The following KHDRBS3 variants were observed in gnomAD, a reference collection of about 807,000 sequenced individuals.
KHDRBS3 encodes KH domain-containing, RNA-binding, signal transduction-associated protein 3.
A neutral mutation model predicts 45.6 loss-of-function variants in KHDRBS3; 23 were observed. The ratio of observed to expected loss-of-function variants is 0.50; its 90% CI spans 0.36 to 0.72. The LOEUF is 0.72. Ranked by LOEUF, KHDRBS3 falls within the 30% of genes least tolerant of loss-of-function variation. The pLI is 0.00. For synonymous variants in KHDRBS3, 162 were observed against 156.5 expected, an observed-to-expected ratio of 1.04 and a Z score of -0.26; for missense variants, 352 against 424.8, an observed-to-expected ratio of 0.83 and a Z score of 1.51.
intron 7 of KHDRBS3, among the ~76,000 whole-genome samples, chr8:135,617,110 C>T (rs1209777533): frequency 6.6e-6 from 1 of 151,972 alleles, no homozygotes; most frequent in Non-Finnish European, 1.5e-5. Flanking sequence ...GACTGTTTGA[C>T]TTACAACATT....
intron 1 of KHDRBS3, among the ~76,000 whole-genome samples, chr8:135,479,394 A>T (rs1055124600): frequency 1.3e-5 from 2 of 152,226 alleles, no homozygotes; most frequent in African/African-American, 4.8e-5. Context: ...TTAATTCTTC[A>T]CAAACTCTTT....
At position 135,511,522 on chromosome 8, in the gene KHDRBS3, A is replaced by G. The variant is rs571858000; in HGVS notation, c.89-9715A>G. ...ATATTTAAGGACATTTTACGTACAA[A>G]TATTTGCTCTGTTTTTTTGTTTGTT... On this transcript the variant is annotated intron_variant, in intron 1 of 8. Coordinates refer to ENST00000355849, the MANE Select transcript of KHDRBS3 (RefSeq NM_006558.3). Among the ~76,000 whole-genome samples, 6 of 151,790 alleles carry G rather than the reference A, an allele frequency of 4.0e-5. No individual in the cohort carries two copies. In the South Asian group the frequency reaches 1.3e-3, roughly 32 times the overall value.
intron 1 of KHDRBS3, among the ~76,000 whole-genome samples, chr8:135,476,953 T>G (rs1415373306): frequency 6.6e-6 from 1 of 152,232 alleles, no homozygotes. Flanking sequence ...TAGGCTGTGG[T>G]CATTGTTGAT....
chr8:135,642,922 AG>A (rs1468364956), intron 7 of KHDRBS3, among the ~76,000 whole-genome samples: 1 of 151,840 alleles, frequency 6.6e-6, no homozygotes, highest in African/African-American at 2.4e-5. Flanking sequence ...CATCCCAAGT[AG>A]CTGGGACTAC....
rs548712506 is a variant in KHDRBS3, at chr8:135,507,687, G to A, written c.89-13550G>A. Reference sequence around the variant, plus strand: ...GAGATAGCATCTGACTCTAGGCGGAGCAATATGTAAAATGTGACTGGAGAG... The same window carrying A: ...GAGATAGCATCTGACTCTAGGCGGAACAATATGTAAAATGTGACTGGAGAG... On this transcript the variant is annotated intron_variant, in intron 1 of 8. Coordinates refer to ENST00000355849, the MANE Select transcript of KHDRBS3 (RefSeq NM_006558.3). Among the ~76,000 whole-genome samples the A allele has an allele frequency of 4.6e-5, 7 of 152,268 alleles. No individual in the cohort carries two copies. The East Asian group carries it at 9.6e-4, about 21-fold the overall frequency.
intron 1 of KHDRBS3, chr8:135,458,291 T>A: frequency 2.7e-6 from 2 of 744,502 alleles, no homozygotes; most frequent in Non-Finnish European, 3.5e-6. Context: ...TTGAATTATG[T>A]CATGGAAGGG....
At chr8:135,645,163 C>A (rs952451472) in intron 8 of KHDRBS3, 46 bp downstream of exon 8, 28 of 1,581,342 alleles carry the variant, frequency 1.8e-5, no homozygotes, top group Non-Finnish European at 2.2e-5. Context: ...GAGAGATGGC[C>A]GTAGAAAGAC....
At chr8:135,496,814 C>T (rs1385298786) in intron 1 of KHDRBS3, among the ~76,000 whole-genome samples, 1 of 152,224 alleles carries the variant, frequency 6.6e-6, no homozygotes, top group Non-Finnish European at 1.5e-5. Context: ...TGGCTGGGAA[C>T]TCAGCTGGGA....
At chr8:135,522,068 A>G (rs1563740724) in intron 2 of KHDRBS3, among the ~76,000 whole-genome samples, 2 of 152,126 alleles carry the variant, frequency 1.3e-5, no homozygotes. Flanking sequence ...TAAGCCCCAC[A>G]TGCATTAGCT....
chr8:135,521,429 G>C, intron 2 of KHDRBS3, 74 bp downstream of exon 2: 1 of 825,642 alleles, frequency 1.2e-6, no homozygotes. Context: ...TTTATATTCT[G>C]TTTGGTGTTT....
chr8:135,515,306 C>CA (rs1437177436), intron 1 of KHDRBS3, among the ~76,000 whole-genome samples: 1 of 130,786 alleles, frequency 7.6e-6, no homozygotes, highest in Non-Finnish European at 1.5e-5. Flanking sequence ...GCGGAGCTTG[C>CA]AGTGAGCCAA....
chr8:135,533,038 A>G (rs1160646015), intron 2 of KHDRBS3, among the ~76,000 whole-genome samples: 1 of 152,194 alleles, frequency 6.6e-6, no homozygotes, highest in African/African-American at 2.4e-5. Flanking sequence ...CTCGATTTAC[A>G]TTGGTTGAAC....
chr8:135,565,351 C>T (rs1253218918), intron 5 of KHDRBS3, among the ~76,000 whole-genome samples: 1 of 152,168 alleles, frequency 6.6e-6, no homozygotes, highest in Admixed American at 6.5e-5. Context: ...TATACTTTTA[C>T]ACATTATAAA....
chr8:135,510,315 G>A (rs11779943), intron 1 of KHDRBS3, among the ~76,000 whole-genome samples: 55,485 of 152,090 alleles, frequency 0.36, 11,430 homozygotes, highest in South Asian at 0.53. Flanking sequence ...ATTGGGCAGC[G>A]TCAGAGCTCA....
Position 135,614,260 on chromosome 8 carries a change from T to C in KHDRBS3, c.890+7223T>C, listed in dbSNP as rs995320609. 5.3e-5 allele frequency among the ~76,000 whole-genome samples: 8 copies of C among 151,784 alleles called. 1 individual carries two copies. Among genetic ancestry groups the C allele is most frequent in the Admixed American group, 1.3e-4 (2 of 15,256 alleles). On this transcript the variant is annotated intron_variant, in intron 7 of 8. Transcript: ENST00000355849. ...TTCCTGTGGATACACAGCTTCGGAA[T>C]AGCTAGTATAGTGAATCAAAACGAA...
In KHDRBS3 at chr8:135,505,373, G is replaced by A. The variant is rs184554917; in HGVS notation, c.89-15864G>A. Among the ~76,000 whole-genome samples, 45 of 152,234 alleles carry A rather than the reference G, an allele frequency of 3.0e-4. 1 individual carries two copies. The East Asian group carries it at 8.3e-3, about 28-fold the overall frequency. ...GGCCTGTCTACCACTTCCCTGCCCT[G>A]CTTGTGGTCCCTTGGGACCCTTGAG... is the stretch of plus-strand genomic sequence containing the variant. On this transcript the variant is annotated intron_variant, in intron 1 of 8. Coordinates refer to ENST00000355849, the MANE Select transcript of KHDRBS3 (RefSeq NM_006558.3).
At chr8:135,575,071 A>G (rs1037639451) in intron 5 of KHDRBS3, among the ~76,000 whole-genome samples, 9 of 152,216 alleles carry the variant, frequency 5.9e-5, no homozygotes, top group African/African-American at 2.2e-4. Flanking sequence ...TGCTCATGAC[A>G]ACTATTTTTA....
downstream of KHDRBS3, among the ~76,000 whole-genome samples, chr8:135,649,310 TTTCTCC>T (rs1255073677): frequency 6.6e-6 from 1 of 152,198 alleles, no homozygotes; most frequent in East Asian, 1.9e-4. Context: ...CAAGTCTCAC[TTTCTCC>T]ATCAGTTCAG....
At chr8:135,577,309 G>A (rs1334620892) in intron 5 of KHDRBS3, among the ~76,000 whole-genome samples, 1 of 152,154 alleles carries the variant, frequency 6.6e-6, no homozygotes, top group African/African-American at 2.4e-5. Flanking sequence ...TCTCTGTGCT[G>A]TGAGGTTGTT....
Sources: gnomAD v4.1 joint callset for allele counts (sites outside exome capture counted in the v4.1 genomes callset) on GRCh38, gnomAD v4.1.1 for gene constraint, MANE v1.5 for transcripts, NCBI Gene and HGNC (gene_info 2026-07-23, HGNC 2026-07-21) for gene names.